The following MDGA2 variants were observed in gnomAD, a reference collection of about 807,000 sequenced individuals.
MDGA2 encodes the protein MAM domain-containing glycosylphosphatidylinositol anchor protein 2.
Under a neutral mutation model 117.8 loss-of-function variants are expected in MDGA2, and 40 were observed. That is an observed-to-expected ratio of 0.34 (90% CI 0.26 to 0.44). The LOEUF (loss-of-function observed/expected upper bound fraction) is 0.44. Among genes scored for constraint, MDGA2 ranks in the 20% least tolerant of loss-of-function variants. The probability of loss-of-function intolerance (pLI) is 1.00; values close to 1 mark genes in which losing one functional copy is unlikely to be tolerated. For missense variants in MDGA2, 1,123 were observed against 1,250.6 expected (o/e 0.90, Z 1.54); for synonymous variants, 452 against 439.0 (o/e 1.03, Z -0.37).
chr14:47,477,087 A>T (rs1893859307), intron 1 of MDGA2, among the ~76,000 whole-genome samples: 1 of 152,216 alleles, frequency 6.6e-6, no homozygotes, highest in African/African-American at 2.4e-5. Flanking sequence ...ACTTGAACCC[A>T]GGAGGTGAAG....
At chr14:46,978,134 G>C (rs1886537660) in intron 8 of MDGA2, among the ~76,000 whole-genome samples, 1 of 151,840 alleles carries the variant, frequency 6.6e-6, no homozygotes, top group South Asian at 2.1e-4. Context: ...ACAAAACAAA[G>C]CAAGAAAATA....
intron 9 of MDGA2, among the ~76,000 whole-genome samples, chr14:46,947,632 G>A (rs1487916582): frequency 6.6e-6 from 1 of 151,922 alleles, no homozygotes; most frequent in African/African-American, 2.4e-5. Flanking sequence ...CCCTGCACAA[G>A]CTCCCTCTCT....
At chr14:47,576,707 T>G (rs1403645359) in intron 1 of MDGA2, among the ~76,000 whole-genome samples, 2 of 152,178 alleles carry the variant, frequency 1.3e-5, no homozygotes, top group African/African-American at 2.4e-5. Flanking sequence ...ACTGATAACT[T>G]CTTTAGCTCA....
At chr14:47,369,724 G>T (rs1891304253) in intron 1 of MDGA2, among the ~76,000 whole-genome samples, 1 of 151,752 alleles carries the variant, frequency 6.6e-6, no homozygotes, top group Non-Finnish European at 1.5e-5. Context: ...TTTTCTTTTA[G>T]GAAGTTTAAT....
chr14:47,472,603 T>C (rs1036488707), intron 1 of MDGA2, among the ~76,000 whole-genome samples: 1 of 152,006 alleles, frequency 6.6e-6, no homozygotes, highest in Non-Finnish European at 1.5e-5. Flanking sequence ...AATGAAATGG[T>C]TGGAGTGGAT....
rs145805510 is a variant in MDGA2, at chr14:47,639,293, C to G, written c.280+35224G>C. 7.7e-3 allele frequency among the ~76,000 whole-genome samples: 1,167 copies of G among 152,254 alleles called. 10 individuals carry two copies. Among genetic ancestry groups the G allele is most frequent in the Non-Finnish European group, 0.012 (813 of 67,998 alleles). Reference sequence around the variant, plus strand: ...TTTTGAAAATGTCATTTGATTAAAACTTTGATGAAGAAACATATTCACTAC... The same window carrying G: ...TTTTGAAAATGTCATTTGATTAAAAGTTTGATGAAGAAACATATTCACTAC... On this transcript the variant is annotated intron_variant, in intron 1 of 16. Transcript: ENST00000399232.
At chr14:47,128,755 C>A (rs922523674) in intron 5 of MDGA2, among the ~76,000 whole-genome samples, 1 of 148,796 alleles carries the variant, frequency 6.7e-6, no homozygotes, top group Non-Finnish European at 1.5e-5. Context: ...AGTGCAGTGG[C>A]GCTATCTCAG....
chr14:47,133,149 A>C (rs1285429106), intron 4 of MDGA2, among the ~76,000 whole-genome samples: 2 of 151,788 alleles, frequency 1.3e-5, no homozygotes, highest in African/African-American at 4.8e-5. Flanking sequence ...ACTACCTTTC[A>C]ATTTTTGTTT....
chr14:47,593,646 A>G (rs1896483169), intron 1 of MDGA2, among the ~76,000 whole-genome samples: 1 of 152,062 alleles, frequency 6.6e-6, no homozygotes, highest in Admixed American at 6.6e-5. Flanking sequence ...CAAACACCAC[A>G]TGTTCTCACT....
At chr14:47,063,394 C>A (rs942414554) in intron 6 of MDGA2, among the ~76,000 whole-genome samples, 4 of 151,882 alleles carry the variant, frequency 2.6e-5, no homozygotes, top group African/African-American at 4.8e-5. Flanking sequence ...TTTTGGTATT[C>A]TGTTACCTAG....
At chr14:47,663,164 A>G (rs551004925) in intron 1 of MDGA2, among the ~76,000 whole-genome samples, 1 of 152,254 alleles carries the variant, frequency 6.6e-6, no homozygotes, top group Non-Finnish European at 1.5e-5. Flanking sequence ...AACTTAACTC[A>G]TTCTGAGATA....
At chr14:47,510,502 G>A (rs1345485410) in intron 1 of MDGA2, among the ~76,000 whole-genome samples, 1 of 152,116 alleles carries the variant, frequency 6.6e-6, no homozygotes, top group Non-Finnish European at 1.5e-5. Context: ...ATATTAGCTT[G>A]AGAGTTCTGC....
At chr14:47,380,447 C>T (rs915079759) in intron 1 of MDGA2, among the ~76,000 whole-genome samples, 7 of 151,242 alleles carry the variant, frequency 4.6e-5, no homozygotes, top group East Asian at 2.0e-4. Flanking sequence ...TTTTTTGAAA[C>T]GATCAACAAA....
At chr14:47,172,675 T>C (rs1884214276) in intron 3 of MDGA2, among the ~76,000 whole-genome samples, 1 of 151,620 alleles carries the variant, frequency 6.6e-6, no homozygotes, top group Non-Finnish European at 1.5e-5. Flanking sequence ...ACACCAAAAG[T>C]AGATAAAACC....
At position 46,844,871 on chromosome 14, in the gene MDGA2, T is replaced by TTTATTATTATTATTA. The variant is rs58606602; in HGVS notation, c.2989+880_2989+894dup. Among the ~76,000 whole-genome samples, 6 of 151,422 alleles carry TTTATTATTATTATTA rather than the reference T, an allele frequency of 4.0e-5. No homozygotes were observed. In the South Asian group the frequency reaches 1.3e-3, roughly 32 times the overall value. ...TGAGTTTTCACTAGATCTGATGATT[T>TTTATTATTATTATTA]TTATTATTATTATTATTATTATGTT... On this transcript the variant is annotated intron_variant, in intron 16 of 16. Coordinates refer to ENST00000399232, the MANE Select transcript of MDGA2 (RefSeq NM_001113498.3).
chr14:47,430,777 G>A (rs1178869022), intron 1 of MDGA2, among the ~76,000 whole-genome samples: 1 of 151,968 alleles, frequency 6.6e-6, no homozygotes, highest in East Asian at 1.9e-4. Flanking sequence ...TTTAAATATT[G>A]ACAGTACACA....
chr14:46,953,660 C>A (rs1885450972), intron 9 of MDGA2, among the ~76,000 whole-genome samples: 1 of 151,790 alleles, frequency 6.6e-6, no homozygotes, highest in African/African-American at 2.4e-5. Context: ...TATTAGTCTC[C>A]CGATGCCCAT....
chr14:47,198,062 TA>T (rs1255168825), intron 3 of MDGA2, among the ~76,000 whole-genome samples: 1 of 152,144 alleles, frequency 6.6e-6, no homozygotes, highest in Non-Finnish European at 1.5e-5. Context: ...GTATTTTTTT[TA>T]CTTAAAAAAT....
chr14:47,310,497 A>G (rs1889600737), intron 1 of MDGA2, among the ~76,000 whole-genome samples: 1 of 152,100 alleles, frequency 6.6e-6, no homozygotes, highest in Non-Finnish European at 1.5e-5. Flanking sequence ...TGTTGCTCAA[A>G]CGACTTGTAT....
Sources: gnomAD v4.1 joint callset for allele counts (sites outside exome capture counted in the v4.1 genomes callset) on GRCh38, gnomAD v4.1.1 for gene constraint, MANE v1.5 for transcripts, NCBI Gene and HGNC (gene_info 2026-07-23, HGNC 2026-07-21) for gene names.